DACH2: variants seen among roughly 807,000 people sequenced by gnomAD.
DACH2 encodes the protein dachshund homolog 2.
In DACH2, 17 loss-of-function variants were observed where a neutral mutation model predicts 35.8. That is an observed-to-expected ratio of 0.48 (90% CI 0.33 to 0.71). The LOEUF (loss-of-function observed/expected upper bound fraction) is 0.71, where lower values mean the gene tolerates loss of function less well. Ranked by LOEUF, DACH2 falls within the 30% of genes least tolerant of loss-of-function variation. The probability of loss-of-function intolerance (pLI) is 0.02; values close to 1 mark genes in which losing one functional copy is unlikely to be tolerated. For synonymous variants in DACH2, 195 were observed against 177.3 expected (o/e 1.10, Z -0.79); for missense variants, 469 against 472.7 (o/e 0.99, Z 0.07).
At chrX:86,315,465 G>A (rs187594282) in intron 1 of DACH2, among the ~76,000 whole-genome samples, 47 of 111,882 alleles carry the variant, frequency 4.2e-4, no homozygotes, top group Non-Finnish European at 8.1e-4. Context: ...CAATTTCGAT[G>A]TTCAAGTCTC....
chrX:86,656,857 GTATA>G (rs752576150), intron 4 of DACH2, among the ~76,000 whole-genome samples: 958 of 66,628 alleles, frequency 0.014, 14 homozygotes, highest in East Asian at 0.083. Context: ...GTGTGTGTGT[GTATA>G]TATATATATA....
At chrX:86,470,202 G>A (rs2037741298) in intron 2 of DACH2, among the ~76,000 whole-genome samples, 1 of 111,491 alleles carries the variant, frequency 9.0e-6, no homozygotes, top group Non-Finnish European at 1.9e-5. Flanking sequence ...CCTTAAACTT[G>A]TAATTTAGAA....
intron 7 of DACH2, among the ~76,000 whole-genome samples, chrX:86,745,343 G>A (rs1394985124): frequency 2.7e-5 from 3 of 111,223 alleles, no homozygotes; most frequent in South Asian, 3.7e-4. Flanking sequence ...TGGGTTTGGC[G>A]TACAGATTAT....
chrX:86,746,257 G>A (rs2041711488), intron 7 of DACH2, among the ~76,000 whole-genome samples: 1 of 111,313 alleles, frequency 9.0e-6, no homozygotes, highest in South Asian at 3.8e-4. Context: ...CATTTCACAT[G>A]TATATATACT....
intron 2 of DACH2, among the ~76,000 whole-genome samples, chrX:86,490,116 A>G (rs1321219556): frequency 8.9e-6 from 1 of 111,912 alleles, no homozygotes; most frequent in African/African-American, 3.2e-5. Flanking sequence ...TTCACTCTTT[A>G]ATTTATTTTG....
At chrX:86,236,473 T>C (rs1569311756) in intron 1 of DACH2, among the ~76,000 whole-genome samples, 2 of 112,298 alleles carry the variant, frequency 1.8e-5, no homozygotes, top group Non-Finnish European at 3.8e-5. Context: ...AAGAAATGCA[T>C]AATTCGGCAA....
intron 3 of DACH2, among the ~76,000 whole-genome samples, chrX:86,566,932 C>G (rs771837562): frequency 6.2e-5 from 7 of 112,026 alleles, no homozygotes; most frequent in Middle Eastern, 4.6e-3. Flanking sequence ...TGCCTGAATT[C>G]TACTTAAGTG....
chrX:86,630,508 G>T (rs1261945995), intron 3 of DACH2, among the ~76,000 whole-genome samples: 1 of 109,766 alleles, frequency 9.1e-6, no homozygotes, highest in Non-Finnish European at 1.9e-5. Flanking sequence ...ACCTAATTTG[G>T]CCTGGGAAGT....
intron 2 of DACH2, among the ~76,000 whole-genome samples, chrX:86,442,355 T>TG (rs1556160330): frequency 1.5e-3 from 109 of 71,318 alleles, no homozygotes; most frequent in African/African-American, 5.1e-3. Flanking sequence ...AAGTAGTATT[T>TG]TGTGTGTGTG....
Position 86,447,066 on chromosome X carries a change from T to C in DACH2, c.528-67213T>C, listed in dbSNP as rs1197194091. Among the ~76,000 whole-genome samples the C allele has an allele frequency of 4.9e-3, 403 of 82,927 alleles. 2 individuals carry two copies. The highest frequency in any genetic ancestry group is 7.0e-3 in the Non-Finnish European group (302 of 43,226). The allele number at this position is 82,927 out of a possible 115,157, so 72.0% of individuals were successfully genotyped here. A position where few individuals can be genotyped will look rare whatever the true frequency, so the allele number is the denominator to read the frequency against. On this transcript the variant is annotated intron_variant, in intron 2 of 11. Coordinates refer to ENST00000373125, the MANE Select transcript of DACH2 (RefSeq NM_053281.3). ...GCCAGTGATGATGAGCATTTCTTCA[T>C]GTGTTTTTTGGCTGCATAAATGTCT...
Position 86,327,630 on chromosome X carries a change from G to C in DACH2, c.489-49194G>C, listed in dbSNP as rs1346443421. On this transcript the variant is annotated intron_variant, in intron 1 of 11. Coordinates refer to ENST00000373125, the MANE Select transcript of DACH2 (RefSeq NM_053281.3). ...GTGTTGTAAACATTAAAGCTTTTCT[G>C]TGGTTTCAGTTATCTCAGAATTGTC... Among the ~76,000 whole-genome samples, 5 of 112,098 alleles carry C rather than the reference G, an allele frequency of 4.5e-5. No homozygotes were observed. In the East Asian group the frequency reaches 1.4e-3, roughly 31 times the overall value.
intron 4 of DACH2, among the ~76,000 whole-genome samples, chrX:86,690,509 A>G (rs756108308): frequency 1.8e-5 from 2 of 111,522 alleles, no homozygotes; most frequent in East Asian, 5.7e-4. Context: ...TTTCTGTTGT[A>G]AGGTCCCCAT....
intron 3 of DACH2, among the ~76,000 whole-genome samples, chrX:86,649,558 C>A (rs183615009): frequency 0.015 from 1,688 of 111,094 alleles, 24 homozygotes; most frequent in Non-Finnish European, 0.026. Flanking sequence ...AAGAAAATCT[C>A]TTTGGCCATC....
chrX:86,786,459 G>A (rs1366639120), intron 7 of DACH2, among the ~76,000 whole-genome samples: 1 of 111,601 alleles, frequency 9.0e-6, no homozygotes, highest in African/African-American at 3.3e-5. Context: ...TCACAATAAG[G>A]AGACAGCCAA....
chrX:86,239,801 A>G (rs1478941158), intron 1 of DACH2, among the ~76,000 whole-genome samples: 1 of 112,125 alleles, frequency 8.9e-6, no homozygotes, highest in Admixed American at 9.5e-5. Context: ...CAGCAAGCAG[A>G]GTATGAGAGT....
At chrX:86,612,816 T>C (rs1342523101) in intron 3 of DACH2, among the ~76,000 whole-genome samples, 1 of 112,677 alleles carries the variant, frequency 8.9e-6, no homozygotes, top group East Asian at 2.8e-4. Context: ...TTTGTGTAGA[T>C]AGTTGTCAAA....
At chrX:86,588,317 TC>T (rs2039601557) in intron 3 of DACH2, among the ~76,000 whole-genome samples, 1 of 111,167 alleles carries the variant, frequency 9.0e-6, no homozygotes, top group Non-Finnish European at 1.9e-5. Context: ...TTGGCTTTTT[TC>T]CCCCTTAGGA....
chrX:86,778,675 A>T (rs903055819), intron 7 of DACH2, among the ~76,000 whole-genome samples: 1 of 110,925 alleles, frequency 9.0e-6, no homozygotes, highest in Admixed American at 9.6e-5. Flanking sequence ...CAGTGGCGTG[A>T]TCTCAGCTCA....
At chrX:86,322,389 A>C (rs932339521) in intron 1 of DACH2, among the ~76,000 whole-genome samples, 1 of 110,937 alleles carries the variant, frequency 9.0e-6, no homozygotes, top group South Asian at 3.9e-4. Flanking sequence ...GATAAAAGGC[A>C]TCCCTTAGTC....
Sources: allele counts gnomAD v4.1 joint callset (sites outside exome capture counted in the v4.1 genomes callset), GRCh38; gene constraint gnomAD v4.1.1; transcripts MANE v1.5; gene names NCBI Gene and HGNC (gene_info 2026-07-23, HGNC 2026-07-21).